CCSER1: variants seen among roughly 807,000 people sequenced by gnomAD.
The protein encoded by CCSER1 is serine-rich coiled-coil domain-containing protein 1.
Under a neutral mutation model 82.0 loss-of-function variants are expected in CCSER1, and 41 were observed. The observed-to-expected ratio is 0.50, with a 90% CI of 0.39 to 0.65. CCSER1 has a LOEUF of 0.65. Among genes scored for constraint, CCSER1 ranks in the 30% least tolerant of loss-of-function variants. The probability of loss-of-function intolerance (pLI) is 0.00; values close to 1 mark genes in which losing one functional copy is unlikely to be tolerated. For missense variants in CCSER1, 1,119 were observed against 1,064.2 expected, an observed-to-expected ratio of 1.05 and a Z score of -0.72; for synonymous variants, 414 against 383.9, an observed-to-expected ratio of 1.08 and a Z score of -0.92.
intron 6 of CCSER1, among the ~76,000 whole-genome samples, chr4:90,628,503 A>C (rs1384638756): frequency 6.6e-6 from 1 of 152,220 alleles, no homozygotes; most frequent in African/African-American, 2.4e-5. Flanking sequence ...TCAGGTAAGG[A>C]GAAATGAGTA....
At chr4:90,485,997 C>T (rs1050246003) in intron 5 of CCSER1, among the ~76,000 whole-genome samples, 3 of 152,122 alleles carry the variant, frequency 2.0e-5, no homozygotes, top group African/African-American at 7.2e-5. Context: ...ATGTGGTCTA[C>T]ATTCTGCAAA....
At chr4:91,006,354 T>C (rs1738504135) in intron 9 of CCSER1, among the ~76,000 whole-genome samples, 1 of 135,348 alleles carries the variant, frequency 7.4e-6, no homozygotes, top group African/African-American at 2.7e-5. Context: ...TATCCTGCAA[T>C]TTTACTGAAT....
At chr4:90,733,208 T>C (rs1156302388) in intron 7 of CCSER1, among the ~76,000 whole-genome samples, 1 of 152,230 alleles carries the variant, frequency 6.6e-6, no homozygotes, top group African/African-American at 2.4e-5. Flanking sequence ...TTTGCCTGCC[T>C]TTTGGATAAA....
At chr4:90,938,380 TG>T (rs1307202474) in intron 9 of CCSER1, among the ~76,000 whole-genome samples, 3 of 152,080 alleles carry the variant, frequency 2.0e-5, no homozygotes, top group Non-Finnish European at 4.4e-5. Flanking sequence ...AACTTGTTTT[TG>T]TACTCTAATT....
intron 10 of CCSER1, among the ~76,000 whole-genome samples, chr4:91,347,308 T>G (rs1020463323): frequency 5.9e-5 from 9 of 152,168 alleles, no homozygotes; most frequent in African/African-American, 2.2e-4. Flanking sequence ...GCTATTTTGT[T>G]CCATTAATCT....
intron 1 of CCSER1, among the ~76,000 whole-genome samples, chr4:90,179,555 A>G (rs1440820514): frequency 6.6e-6 from 1 of 152,224 alleles, no homozygotes; most frequent in East Asian, 1.9e-4. Context: ...TAATTTGAAA[A>G]TAAATTTTGT....
intron 10 of CCSER1, among the ~76,000 whole-genome samples, chr4:91,318,319 G>T (rs1000613231): frequency 6.6e-6 from 1 of 151,898 alleles, no homozygotes; most frequent in South Asian, 2.1e-4. Context: ...TTATAAGTCT[G>T]TAAAGTTTCA....
intron 8 of CCSER1, among the ~76,000 whole-genome samples, chr4:90,915,881 G>A (rs1727302309): frequency 6.6e-6 from 1 of 151,828 alleles, no homozygotes; most frequent in African/African-American, 2.4e-5. Flanking sequence ...CAGACAAACA[G>A]AGAGCCAAAT....
chr4:91,185,488 A>C (rs1160831493), intron 10 of CCSER1, among the ~76,000 whole-genome samples: 1 of 152,212 alleles, frequency 6.6e-6, no homozygotes, highest in Non-Finnish European at 1.5e-5. Context: ...CCCAGGCAGA[A>C]GGCTCACAGC....
At chr4:90,670,538 TC>T (rs1560920362) in intron 6 of CCSER1, among the ~76,000 whole-genome samples, 2 of 151,986 alleles carry the variant, frequency 1.3e-5, no homozygotes, top group Non-Finnish European at 1.5e-5. Flanking sequence ...AGGTTAGCAA[TC>T]TGTTAGGGGA....
At chr4:90,856,955 A>G (rs2904372) in intron 8 of CCSER1, among the ~76,000 whole-genome samples, 2,272 of 150,248 alleles carry the variant, frequency 0.015, 32 homozygotes, top group Non-Finnish European at 0.019. Flanking sequence ...TTTTAAGACT[A>G]CAATGTTTTG....
At chr4:91,098,858 AG>A (rs35992302) in intron 10 of CCSER1, among the ~76,000 whole-genome samples, 14,558 of 152,170 alleles carry the variant, frequency 0.096, 937 homozygotes, top group East Asian at 0.27. Context: ...GTTTTTTTAA[AG>A]GGATAAAAGA....
At chr4:90,550,412 G>T (rs953286782) in intron 5 of CCSER1, among the ~76,000 whole-genome samples, 3 of 151,898 alleles carry the variant, frequency 2.0e-5, no homozygotes, top group Admixed American at 1.3e-4. Flanking sequence ...TTCCTGTTTT[G>T]TTTGAGATTC....
intron 8 of CCSER1, among the ~76,000 whole-genome samples, chr4:90,876,387 A>G (rs1767210196): frequency 6.6e-6 from 1 of 152,154 alleles, no homozygotes; most frequent in Admixed American, 6.6e-5. Flanking sequence ...AGATCAGAAA[A>G]TAAAACTCCC....
At chr4:90,592,181 C>T (rs1441259840) in intron 5 of CCSER1, among the ~76,000 whole-genome samples, 1 of 151,932 alleles carries the variant, frequency 6.6e-6, no homozygotes, top group Non-Finnish European at 1.5e-5. Flanking sequence ...GCACATATAT[C>T]CCAGTATTTA....
intron 10 of CCSER1, among the ~76,000 whole-genome samples, chr4:91,102,299 G>T (rs1197017534): frequency 6.6e-6 from 1 of 152,154 alleles, no homozygotes; most frequent in Non-Finnish European, 1.5e-5. Context: ...TAAAATCCAG[G>T]CTGGGTTAGT....
chr4:90,616,192 T>C (rs1028253540), intron 5 of CCSER1, among the ~76,000 whole-genome samples: 1 of 152,144 alleles, frequency 6.6e-6, no homozygotes, highest in African/African-American at 2.4e-5. Flanking sequence ...AGCAAAAAAA[T>C]TGTGTGACTT....
chr4:90,308,961 C>A lies in CCSER1; in HGVS notation c.677C>A (p.Ala226Asp). 1 of 1,613,766 alleles carries A rather than the reference C, an allele frequency of 6.2e-7. No homozygotes were observed. Among genetic ancestry groups the A allele is most frequent in the African/African-American group, 1.3e-5 (1 of 75,044 alleles). The part of the protein sequence containing the change: ...YQEREPVLVR[A>D]SPSCSVDVTE... ...GAGAGAGAACCTGTATTAGTAAGAG[C>A]TTCGCCATCCTGTTCTGTGGATGTA... The change falls in exon 2 of 11, where the codon GCT becomes GAT. Residue 226 changes from alanine to aspartate, a missense_variant. Coordinates refer to ENST00000509176, the MANE Select transcript of CCSER1 (RefSeq NM_001145065.2).
chr4:91,068,634 G>C (rs899847999), intron 9 of CCSER1, among the ~76,000 whole-genome samples: 3 of 152,120 alleles, frequency 2.0e-5, no homozygotes, highest in African/African-American at 7.2e-5. Flanking sequence ...AGCAATGCCA[G>C]TTTACAAGAT....
Sources: allele counts gnomAD v4.1 joint callset (sites outside exome capture counted in the v4.1 genomes callset), GRCh38; gene constraint gnomAD v4.1.1; transcripts MANE v1.5; gene names NCBI Gene and HGNC (gene_info 2026-07-23, HGNC 2026-07-21).